Variants in GHR observed in about 807,000 individuals in gnomAD.
GHR encodes GH receptor.
In GHR, 35 loss-of-function variants were observed where a neutral mutation model predicts 67.1. The ratio of observed to expected loss-of-function variants is 0.52; its 90% CI spans 0.40 to 0.69. GHR has a LOEUF of 0.69. GHR is among the 30% of genes least tolerant of loss of function. GHR has a pLI of 0.00. For synonymous variants in GHR, 272 were observed against 269.1 expected, an observed-to-expected ratio of 1.01 and a Z score of -0.10; for missense variants, 792 against 764.6, an observed-to-expected ratio of 1.04 and a Z score of -0.42.
chr5:42,600,729 C>T (rs1032672783), intron 2 of GHR, among the ~76,000 whole-genome samples: 3 of 152,126 alleles, frequency 2.0e-5, no homozygotes, highest in African/African-American at 7.2e-5. Context: ...TGCCTAAACT[C>T]TTTGGACTGA....
At chr5:42,440,143 C>T (rs1743502568) in intron 1 of GHR, among the ~76,000 whole-genome samples, 1 of 152,186 alleles carries the variant, frequency 6.6e-6, no homozygotes, top group East Asian at 1.9e-4. Context: ...ACACTTTGCC[C>T]AGTGGAGCAC....
At position 42,623,219 on chromosome 5, in the gene GHR, A is replaced by G. The variant is rs187704561; in HGVS notation, c.71-5819A>G. Among the ~76,000 whole-genome samples the G allele has an allele frequency of 2.2e-4, 34 of 152,306 alleles. No homozygotes were observed. In the East Asian group the frequency reaches 6.4e-3, roughly 28 times the overall value. ...CTTTTACTCTCTCAATTTTAAACAC[A>G]GAGAAACCAAGACCTAGATACGTGT... is the stretch of plus-strand genomic sequence containing the variant. On this transcript the variant is annotated intron_variant, in intron 2 of 9. Transcript: ENST00000230882.
In GHR at chr5:42,424,550, A is replaced by T; in HGVS notation, c.-12+595A>T. ...GGGCCGCAGCCGCACGTTGGCACCGATGGAACTGGGGTCAGTAGAGTGACA... is the reference window on the plus strand; with the variant it reads ...GGGCCGCAGCCGCACGTTGGCACCGTTGGAACTGGGGTCAGTAGAGTGACA... On this transcript the variant is annotated intron_variant, in intron 1 of 9. Coordinates refer to ENST00000230882, the MANE Select transcript of GHR (RefSeq NM_000163.5). This position sits in a 1 kb window ranked among gnomAD's most constrained non-coding sequence, Gnocchi z 4.1. 1.3e-6 allele frequency: 2 copies of T among 1,531,506 alleles called. No individual in the cohort carries two copies. The highest frequency in any genetic ancestry group is 2.7e-5 in the African/African-American group (2 of 73,046). The allele number at this position is 1,531,506 out of a possible 1,614,324, so 94.9% of individuals were successfully genotyped here.
At chr5:42,616,839 A>C (rs1753178711) in intron 2 of GHR, among the ~76,000 whole-genome samples, 1 of 152,102 alleles carries the variant, frequency 6.6e-6, no homozygotes, top group Non-Finnish European at 1.5e-5. Flanking sequence ...AGCTAAGCAA[A>C]GAGCATATTT....
chr5:42,671,641 T>TAAAA (rs33934676), intron 3 of GHR, among the ~76,000 whole-genome samples: 1 of 136,716 alleles, frequency 7.3e-6, no homozygotes, highest in Non-Finnish European at 1.6e-5. Context: ...CCCTTCATGT[T>TAAAA]AAAAAAAAAA....
intron 2 of GHR, among the ~76,000 whole-genome samples, chr5:42,606,502 G>C (rs1752636895): frequency 6.6e-6 from 1 of 152,050 alleles, no homozygotes; most frequent in Non-Finnish European, 1.5e-5. Context: ...GATGAGGCAA[G>C]AAAGAAAGAG....
At chr5:42,436,126 G>T (rs1743312627) in intron 1 of GHR, among the ~76,000 whole-genome samples, 2 of 152,178 alleles carry the variant, frequency 1.3e-5, no homozygotes, top group South Asian at 4.1e-4. Context: ...GCCTAGCATT[G>T]TGTGTGCATA....
chr5:42,637,632 T>G (rs1754266243), intron 3 of GHR, among the ~76,000 whole-genome samples: 1 of 152,138 alleles, frequency 6.6e-6, no homozygotes, highest in Non-Finnish European at 1.5e-5. Context: ...AAGGACATGA[T>G]TTTGTTCTTT....
intron 3 of GHR, among the ~76,000 whole-genome samples, chr5:42,634,248 C>T (rs1371604469): frequency 2.6e-5 from 4 of 152,020 alleles, no homozygotes; most frequent in Admixed American, 1.3e-4. Context: ...CTACAGTAAG[C>T]TTACGTGGTA....
At chr5:42,464,243 C>T (rs1383746604) in intron 1 of GHR, among the ~76,000 whole-genome samples, 1 of 152,230 alleles carries the variant, frequency 6.6e-6, no homozygotes, top group South Asian at 2.1e-4. Flanking sequence ...ACATGAACTG[C>T]TCTCAATGCG....
chr5:42,665,572 AACATC>A (rs892263637), intron 3 of GHR, among the ~76,000 whole-genome samples: 12 of 151,878 alleles, frequency 7.9e-5, no homozygotes, highest in Non-Finnish European at 1.5e-5. Flanking sequence ...CAGGAAGGGG[AACATC>A]ACACTCTGGG....
intron 2 of GHR, among the ~76,000 whole-genome samples, chr5:42,622,147 A>T (rs960303666): frequency 8.5e-5 from 13 of 152,172 alleles, no homozygotes; most frequent in Non-Finnish European, 1.5e-4. Flanking sequence ...CCACAGAGCA[A>T]AAGGAGGGGG....
At chr5:42,659,964 C>T (rs1029112356) in intron 3 of GHR, among the ~76,000 whole-genome samples, 2 of 152,304 alleles carry the variant, frequency 1.3e-5, no homozygotes, top group South Asian at 4.2e-4. Context: ...ATATCCCGCA[C>T]CTGGCTCGGA....
At chr5:42,455,803 T>A (rs1744235071) in intron 1 of GHR, among the ~76,000 whole-genome samples, 1 of 152,206 alleles carries the variant, frequency 6.6e-6, no homozygotes, top group Non-Finnish European at 1.5e-5. Flanking sequence ...AACTCTGGTT[T>A]ATTGGTAAAG....
intron 1 of GHR, among the ~76,000 whole-genome samples, chr5:42,462,912 C>T (rs74714250): frequency 0.035 from 5,336 of 151,460 alleles, 121 homozygotes; most frequent in Middle Eastern, 0.062. Context: ...AACTAGCATA[C>T]AATGTAACTT....
chr5:42,584,690 G>A (rs1174655431), intron 2 of GHR, among the ~76,000 whole-genome samples: 2 of 151,954 alleles, frequency 1.3e-5, no homozygotes, highest in African/African-American at 2.4e-5. Context: ...AACAATCTAA[G>A]ATTTCATTTG....
At chr5:42,554,793 T>C (rs556945891) in intron 1 of GHR, among the ~76,000 whole-genome samples, 2 of 152,316 alleles carry the variant, frequency 1.3e-5, no homozygotes, top group South Asian at 2.1e-4. Context: ...ATTGATTACA[T>C]GATGAAATAA....
chr5:42,662,284 C>G (rs1368325410), intron 3 of GHR, among the ~76,000 whole-genome samples: 2 of 152,304 alleles, frequency 1.3e-5, no homozygotes, highest in East Asian at 3.9e-4. Context: ...CTCTCCATCA[C>G]AAATCAACAG....
chr5:42,462,917 T>C (rs959263264), intron 1 of GHR, among the ~76,000 whole-genome samples: 1 of 152,104 alleles, frequency 6.6e-6, no homozygotes, highest in African/African-American at 2.4e-5. Context: ...GCATACAATG[T>C]AACTTAAGCT....
Sources: allele counts gnomAD v4.1 joint callset (sites outside exome capture counted in the v4.1 genomes callset), GRCh38; gene constraint gnomAD v4.1.1; non-coding constraint Gnocchi (gnomAD v3.1); transcripts MANE v1.5; gene names NCBI Gene and HGNC (gene_info 2026-07-23, HGNC 2026-07-21).